Variants in CNBD1 observed in about 807,000 individuals in gnomAD.
CNBD1 encodes cyclic nucleotide binding domain containing 1, also known as cyclic nucleotide-binding domain-containing protein 1.
A neutral mutation model predicts 54.4 loss-of-function variants in CNBD1; 71 were observed. That is an observed-to-expected ratio of 1.30 (90% confidence interval 1.08 to 1.59). The LOEUF is 1.59. CNBD1 is among the 40% of genes most tolerant of loss of function. The probability of loss-of-function intolerance (pLI) is 0.00; values close to 1 mark genes in which losing one functional copy is unlikely to be tolerated. For synonymous variants in CNBD1, 182 were observed against 170.7 expected (o/e 1.07, Z -0.51); for missense variants, 659 against 518.0 (o/e 1.27, Z -2.64).
At chr8:87,378,912 A>G (rs545324202) in intron 10 of CNBD1, among the ~76,000 whole-genome samples, 8 of 149,050 alleles carry the variant, frequency 5.4e-5, no homozygotes, top group Admixed American at 1.3e-4. Flanking sequence ...TTCTCTTTGA[A>G]GCAATTGTGA....
rs1206779850 is a variant in CNBD1, at chr8:87,325,075, A to C, written c.1043-26610A>C. Among the ~76,000 whole-genome samples, 2 of 97,854 alleles carry C rather than the reference A, an allele frequency of 2.0e-5. 1 individual carries two copies. Among genetic ancestry groups the C allele is most frequent in the Admixed American group, 1.8e-4 (2 of 11,150 alleles). 64.2% of individuals were successfully genotyped at this position (97,854 alleles called of 152,430 possible). A position where few individuals can be genotyped will look rare whatever the true frequency, so the allele number is the denominator to read the frequency against. On this transcript the variant is annotated intron_variant, in intron 8 of 10. Coordinates refer to ENST00000518476, the MANE Select transcript of CNBD1 (RefSeq NM_173538.3). Reference sequence around the variant, plus strand: ...TTCGTTATGTACCCAGTAGTCATTCAGGAGCAGGTTGTTCAGTTTCCATGT... The same window carrying C: ...TTCGTTATGTACCCAGTAGTCATTCCGGAGCAGGTTGTTCAGTTTCCATGT...
chr8:86,954,302 C>T (rs1807703088), intron 4 of CNBD1, among the ~76,000 whole-genome samples: 1 of 152,192 alleles, frequency 6.6e-6, no homozygotes, highest in Non-Finnish European at 1.5e-5. Flanking sequence ...TGACCATGAG[C>T]TGAGATTCTT....
intron 2 of CNBD1, among the ~76,000 whole-genome samples, chr8:86,902,746 A>G (rs922857162): frequency 1.3e-4 from 19 of 151,966 alleles, no homozygotes; most frequent in Non-Finnish European, 4.4e-5. Context: ...TAAATCACGA[A>G]AAACATCTTC....
intron 4 of CNBD1, among the ~76,000 whole-genome samples, chr8:87,058,188 C>T (rs1810463516): frequency 6.6e-6 from 1 of 152,230 alleles, no homozygotes; most frequent in African/African-American, 2.4e-5. Flanking sequence ...CCACGTGTCA[C>T]AGCCAGGTCA....
At chr8:87,245,547 GTTGT>G (rs1169232325) in intron 6 of CNBD1, among the ~76,000 whole-genome samples, 1 of 151,668 alleles carries the variant, frequency 6.6e-6, no homozygotes, top group Admixed American at 6.6e-5. Flanking sequence ...CAAGCTTGCT[GTTGT>G]TTATCTCATG....
intron 6 of CNBD1, among the ~76,000 whole-genome samples, chr8:87,275,828 T>C (rs1000653409): frequency 3.3e-5 from 5 of 151,548 alleles, no homozygotes; most frequent in Non-Finnish European, 7.4e-5. Flanking sequence ...AAAACCCCAT[T>C]GTCTCAGCCC....
At chr8:87,337,003 A>G (rs747434324) in intron 8 of CNBD1, among the ~76,000 whole-genome samples, 1 of 151,922 alleles carries the variant, frequency 6.6e-6, no homozygotes, top group African/African-American at 2.4e-5. Context: ...GGTCCTATTC[A>G]TCTAGTTTAC....
intron 4 of CNBD1, among the ~76,000 whole-genome samples, chr8:87,106,425 G>A (rs1779887999): frequency 6.6e-6 from 1 of 152,050 alleles, no homozygotes; most frequent in Non-Finnish European, 1.5e-5. Flanking sequence ...AGGACAGGCT[G>A]GTCTAGAACT....
intron 6 of CNBD1, among the ~76,000 whole-genome samples, chr8:87,262,621 G>A (rs981319336): frequency 6.6e-5 from 10 of 152,204 alleles, no homozygotes; most frequent in African/African-American, 2.4e-4. Flanking sequence ...TCCTGGTTCT[G>A]TTTTTCTGGA....
At chr8:87,152,439 TAA>T (rs5893013) in intron 4 of CNBD1, among the ~76,000 whole-genome samples, 34 of 138,158 alleles carry the variant, frequency 2.5e-4, no homozygotes, top group African/African-American at 2.4e-4. Flanking sequence ...GCTGATGAGC[TAA>T]AAAAAAAAAA....
chr8:87,428,545 G>C lies in CNBD1; in HGVS notation c.214-1G>C, dbSNP rs996927441. 1.1e-5 allele frequency: 5 copies of C among 449,014 alleles called. No homozygotes were observed. Among genetic ancestry groups the C allele is most frequent in the African/African-American group, 8.1e-5 (4 of 49,640 alleles). The allele number at this position is 449,014 out of a possible 1,614,324, so 27.8% of individuals were successfully genotyped here. ...AAGTGTTTTCTTCTGTTTTCATCTA[G>C]AATTAGACCCAGTGACCAAGCAACT... On this transcript the variant is annotated splice_acceptor_variant, in intron 2 of 7. Coordinates refer to the CNBD1 transcript ENST00000521593. LOFTEE classifies it high-confidence loss of function.
chr8:87,271,962 T>C lies in CNBD1; in HGVS notation c.772-12716T>C, dbSNP rs1256693655. Among the ~76,000 whole-genome samples, 3 of 151,778 alleles carry C rather than the reference T, an allele frequency of 2.0e-5. No individual in the cohort carries two copies. The East Asian group carries it at 5.8e-4, about 29-fold the overall frequency. On this transcript the variant is annotated intron_variant, in intron 6 of 10. Coordinates refer to ENST00000518476, the MANE Select transcript of CNBD1 (RefSeq NM_173538.3). The stretch of plus-strand genomic sequence containing the variant: ...AATCATGTCAACTGCAACAATGTGG[T>C]TGGAAATGGAGGTGATTGTGTAACG...
chr8:87,376,091 G>C (rs917188793), intron 10 of CNBD1, among the ~76,000 whole-genome samples: 17 of 151,894 alleles, frequency 1.1e-4, no homozygotes, highest in Non-Finnish European at 2.1e-4. Context: ...TCAGCAGCTT[G>C]TTCTATCACT....
chr8:87,297,079 G>A (rs1171408767), intron 8 of CNBD1, among the ~76,000 whole-genome samples: 2 of 149,570 alleles, frequency 1.3e-5, no homozygotes, highest in Admixed American at 1.3e-4. Flanking sequence ...TCCGGAGGCT[G>A]AGGCAGGAGA....
chr8:87,372,856 A>G (rs1163541264), intron 10 of CNBD1, among the ~76,000 whole-genome samples: 1 of 151,656 alleles, frequency 6.6e-6, no homozygotes, highest in African/African-American at 2.4e-5. Flanking sequence ...AAGCCATGGT[A>G]TTTTCCACTT....
chr8:87,012,837 A>G (rs1809252876), intron 4 of CNBD1, among the ~76,000 whole-genome samples: 1 of 152,106 alleles, frequency 6.6e-6, no homozygotes, highest in Non-Finnish European at 1.5e-5. Context: ...TCCAAACCAA[A>G]CCAGTGTATT....
At chr8:87,068,734 A>G (rs1166707251) in intron 4 of CNBD1, among the ~76,000 whole-genome samples, 2 of 152,054 alleles carry the variant, frequency 1.3e-5, no homozygotes, top group Non-Finnish European at 2.9e-5. Context: ...TGAGGAATCT[A>G]CAGATAGAAT....
chr8:87,137,321 C>G (rs938938549), intron 4 of CNBD1, among the ~76,000 whole-genome samples: 1 of 150,798 alleles, frequency 6.6e-6, no homozygotes, highest in Non-Finnish European at 1.5e-5. Flanking sequence ...CTCAGCCTCC[C>G]GAGTAGCTGG....
At chr8:87,365,297 T>C (rs920928969) in intron 10 of CNBD1, among the ~76,000 whole-genome samples, 8 of 152,070 alleles carry the variant, frequency 5.3e-5, no homozygotes, top group African/African-American at 1.9e-4. Flanking sequence ...GTTGGCCGTG[T>C]GTATGCTAAA....
Sources: allele counts gnomAD v4.1 joint callset (sites outside exome capture counted in the v4.1 genomes callset), GRCh38; gene constraint gnomAD v4.1.1; transcripts MANE v1.5; gene names NCBI Gene and HGNC (gene_info 2026-07-23, HGNC 2026-07-21).